Variants in RAD17 observed in about 807,000 individuals in gnomAD.
The protein encoded by RAD17 is cell cycle checkpoint protein RAD17.
Under a neutral mutation model 81.5 loss-of-function variants are expected in RAD17, and 31 were observed. The ratio of observed to expected loss-of-function variants is 0.38; its 90% CI spans 0.29 to 0.51. RAD17 has a LOEUF of 0.51. RAD17 is among the 20% of genes least tolerant of loss of function. RAD17 has a pLI of 0.88. For missense variants in RAD17, 681 were observed against 781.2 expected (o/e 0.87, Z 1.53); for synonymous variants, 261 against 266.2 (o/e 0.98, Z 0.19).
intron 6 of RAD17, among the ~76,000 whole-genome samples, chr5:69,375,508 AG>A (rs767929367): frequency 5.5e-4 from 83 of 152,138 alleles, no homozygotes; most frequent in South Asian, 2.1e-4. Context: ...CAAGCATAAA[AG>A]AAAATAGAAT....
intron 13 of RAD17, chr5:69,392,841 A>G (rs1356226316): frequency 8.3e-6 from 4 of 479,312 alleles, no homozygotes; most frequent in Non-Finnish European, 1.2e-5. Context: ...AGTAAAGACC[A>G]CTGTATTGAG....
rs550307175 is a variant in RAD17 at position 69,376,894 on chromosome 5, C to A, written c.351+2183C>A. The stretch of plus-strand genomic sequence containing the variant: ...TCAGCCTCCCGAGTAGCTGGAATTA[C>A]AGGCATGCGCCACCACACGCAGCTA... On this transcript the variant is annotated intron_variant, in intron 6 of 18. Coordinates refer to ENST00000354868, the MANE Select transcript of RAD17 (RefSeq NM_133338.3). Among the ~76,000 whole-genome samples, 4 of 152,230 alleles carry A rather than the reference C, an allele frequency of 2.6e-5. No individual in the cohort carries two copies. The East Asian group carries it at 7.7e-4, about 29-fold the overall frequency.
In RAD17 at chr5:69,400,176, A is replaced by G; in HGVS notation, c.1693+7A>G. On this transcript the variant is annotated splice_region_variant and intron_variant, in intron 17 of 18. Transcript: ENST00000354868. ...ATTCCAATGAGAAATCAAGGTAATA[A>G]CATAGGTTTTTCTTTTCTTTTAAGA... The G allele has an allele frequency of 1.3e-6, 2 of 1,493,070 alleles. No individual in the cohort carries two copies. Among genetic ancestry groups the G allele is most frequent in the Non-Finnish European group, 1.8e-6 (2 of 1,124,192 alleles). The allele number at this position is 1,493,070 out of a possible 1,614,324, so 92.5% of individuals were successfully genotyped here. A position where few individuals can be genotyped will look rare whatever the true frequency, so the allele number is the denominator to read the frequency against.
chr5:69,391,956 G>GT lies in RAD17; in HGVS notation c.1132_1133insT (p.Gly378ValfsTer19). 6.3e-7 allele frequency: 1 copy of GT among 1,578,644 alleles called. No homozygotes were observed. The highest frequency in any genetic ancestry group is 8.6e-7 in the Non-Finnish European group (1 of 1,169,378). ...AAATCAAGAGGTCCAAGCTATTGGTGGCAAAGATGTTTCTCTGTTTCTCTT... is the reference window on the plus strand; with the variant it reads ...AAATCAAGAGGTCCAAGCTATTGGTGTGCAAAGATGTTTCTCTGTTTCTCTT... On this transcript the variant is annotated frameshift_variant, in exon 13 of 19. Transcript: ENST00000354868. LOFTEE classifies it high-confidence loss of function.
Position 69,414,057 on chromosome 5 carries a change from G to A in RAD17, c.1778G>A (p.Arg593Lys), listed in dbSNP as rs35440980. The A allele has an allele frequency of 9.5e-3, 15,347 of 1,614,182 alleles. 203 individuals are homozygous for A. The highest frequency in any genetic ancestry group is 0.046 in the South Asian group (4,165 of 91,082). ...GRLKMEALTD[R>K]EHGMIDPDSG... ...TTGAAAATGGAAGCCCTGACTGACA[G>A]GGAACATGGAATGATAGACCCTGAC... The change falls in exon 19 of 19, where the codon AGG (arginine) becomes AAG (lysine). Residue 593 changes from arginine to lysine, a missense_variant. Arg to Lys is a conservative substitution (Grantham distance 26, BLOSUM62 2). Transcript: ENST00000354868.
rs373003632 is a variant in RAD17, at chr5:69,414,160, G to A, written c.1881G>A (p.Pro627=). 1.3e-5 allele frequency: 21 copies of A among 1,614,092 alleles called. No homozygotes were observed. The highest frequency in any genetic ancestry group is 6.7e-5 in the African/African-American group (5 of 74,936). ...SLGEPTQATV[P]ETWSLPLSQN... ...GTGAACCCACTCAAGCCACTGTGCC[G>A]GAAACCTGGTCTCTTCCTTTGAGTC... Residue 627 remains proline (P), a synonymous_variant, in exon 19 of 19, where the codon CCG becomes CCA. Transcript: ENST00000354868.
chr5:69,410,557 T>C lies in RAD17; in HGVS notation c.1751+7T>C. On this transcript the variant is annotated splice_region_variant and intron_variant, in intron 18 of 18. Coordinates refer to ENST00000354868, the MANE Select transcript of RAD17 (RefSeq NM_133338.3). ...TGAAGCGACACTTTGGAAGGTAAGCTGATCATCTCAATTTCCAAAAAGCTG... is the reference window on the plus strand; with the variant it reads ...TGAAGCGACACTTTGGAAGGTAAGCCGATCATCTCAATTTCCAAAAAGCTG... 6.2e-7 allele frequency: 1 copy of C among 1,612,146 alleles called. No homozygotes were observed. The highest frequency in any genetic ancestry group is 8.5e-7 in the Non-Finnish European group (1 of 1,178,496).
intron 15 of RAD17, 62 bp from the exon 16 acceptor site, chr5:69,396,335 A>G: frequency 6.5e-7 from 1 of 1,532,618 alleles, no homozygotes. Context: ...TGTATATATC[A>G]GGAATACCAG....
At chr5:69,386,017 T>C (rs1431698933) in intron 8 of RAD17, 26 bp from the exon 9 acceptor site, 11 of 1,509,752 alleles carry the variant, frequency 7.3e-6, no homozygotes, top group Non-Finnish European at 9.7e-6. Flanking sequence ...AAAACTATAC[T>C]ATTATTTATT....
In RAD17 at chr5:69,386,457, G is replaced by C. The variant is rs758828097; in HGVS notation, c.886G>C (p.Ala296Pro). 1 of 1,593,282 alleles carries C rather than the reference G, an allele frequency of 6.3e-7. No homozygotes were observed. Among genetic ancestry groups the C allele is most frequent in the Non-Finnish European group, 8.5e-7 (1 of 1,172,296 alleles). The change falls in exon 11 of 19, where the codon GCT (alanine) becomes CCT (proline). Residue 296 changes from alanine to proline, a missense_variant. Ala to Pro is a conservative substitution (Grantham distance 27, BLOSUM62 -1). Coordinates refer to ENST00000354868, the MANE Select transcript of RAD17 (RefSeq NM_133338.3). Reference sequence around the variant, plus strand: ...TCTTAATCGAATAGTGACTATAGAAGCTAACAAGGTAAGTCTCTGATTAAT... The same window carrying C: ...TCTTAATCGAATAGTGACTATAGAACCTAACAAGGTAAGTCTCTGATTAAT... The part of the protein sequence containing the change: ...KFLNRIVTIE[A>P]NKNGGKITVP...
intron 6 of RAD17, among the ~76,000 whole-genome samples, chr5:69,379,742 A>T (rs991220754): frequency 6.6e-6 from 1 of 152,172 alleles, no homozygotes; most frequent in African/African-American, 2.4e-5. Flanking sequence ...CATTAATAGC[A>T]CTGTCTTCCA....
At chr5:69,412,082 G>A (rs1196337287) in intron 18 of RAD17, among the ~76,000 whole-genome samples, 9 of 151,956 alleles carry the variant, frequency 5.9e-5, no homozygotes, top group Admixed American at 6.6e-5. Context: ...TCAGCCTGCC[G>A]AGTAGCTGGG....
At chr5:69,383,477 C>G (rs1437779333) in intron 7 of RAD17, among the ~76,000 whole-genome samples, 1 of 151,890 alleles carries the variant, frequency 6.6e-6, no homozygotes, top group African/African-American at 2.4e-5. Flanking sequence ...CTCCTGGGTT[C>G]AAGCAATTCT....
At chr5:69,384,523 C>T (rs1764055148) in intron 7 of RAD17, among the ~76,000 whole-genome samples, 1 of 152,116 alleles carries the variant, frequency 6.6e-6, no homozygotes, top group Non-Finnish European at 1.5e-5. Flanking sequence ...ACCATGTTGC[C>T]CAGGTTGCTC....
intron 4 of RAD17, 43 bp from the exon 5 acceptor site, chr5:69,373,787 G>A: frequency 6.5e-7 from 1 of 1,541,934 alleles, no homozygotes; most frequent in Non-Finnish European, 8.8e-7. Context: ...GGAATAGATG[G>A]GAGAAAATGT....
intron 7 of RAD17, among the ~76,000 whole-genome samples, chr5:69,382,890 T>A (rs557267031): frequency 1.3e-5 from 2 of 152,192 alleles, no homozygotes; most frequent in East Asian, 3.9e-4. Context: ...CTCAAGCTAT[T>A]CTCATGCCTC....
At chr5:69,389,859 A>G (rs1329636182) in intron 12 of RAD17, among the ~76,000 whole-genome samples, 1 of 152,096 alleles carries the variant, frequency 6.6e-6, no homozygotes, top group Non-Finnish European at 1.5e-5. Context: ...GATGGTTGCG[A>G]TCTCCTGACC....
chr5:69,386,092 T>G lies in RAD17; in HGVS notation c.695T>G (p.Leu232Arg). 1 of 1,604,866 alleles carries G rather than the reference T, an allele frequency of 6.2e-7. No individual in the cohort carries two copies. The highest frequency in any genetic ancestry group is 8.5e-7 in the Non-Finnish European group (1 of 1,176,416). Residue 232 changes from leucine to arginine, a missense_variant, in exon 9 of 19, where the codon CTA (leucine) becomes CGA (arginine). By Grantham distance (102) the Leu-to-Arg change is moderately radical (BLOSUM62 -2). Coordinates refer to ENST00000354868, the MANE Select transcript of RAD17 (RefSeq NM_133338.3). ...YRDSHTLHEV[L>R]RKYVRIGRCP... ...GATTCTCATACTTTACATGAAGTTC[T>G]AAGGTAGGTTTCAGTGAAGTATTCT... is the stretch of plus-strand genomic sequence containing the variant.
At chr5:69,376,104 A>G (rs755394144) in intron 6 of RAD17, among the ~76,000 whole-genome samples, 4 of 152,228 alleles carry the variant, frequency 2.6e-5, no homozygotes, top group African/African-American at 7.2e-5. Context: ...ATTGGAAAGT[A>G]TTTGTGGTTC....
Sources: allele counts gnomAD v4.1 joint callset (sites outside exome capture counted in the v4.1 genomes callset), GRCh38; gene constraint gnomAD v4.1.1; transcripts MANE v1.5; gene names NCBI Gene and HGNC (gene_info 2026-07-23, HGNC 2026-07-21).